CAMKK2: variants seen among roughly 807,000 people sequenced by gnomAD.
CAMKK2 encodes the protein calcium/calmodulin dependent protein kinase kinase 2, also known as calcium/calmodulin-dependent protein kinase kinase 2.
A neutral mutation model predicts 67.2 loss-of-function variants in CAMKK2; 30 were observed. The ratio of observed to expected loss-of-function variants is 0.45; its 90% CI spans 0.33 to 0.61. CAMKK2 has a LOEUF of 0.61. Ranked by LOEUF, CAMKK2 falls within the 20% of genes least tolerant of loss-of-function variation. CAMKK2 has a pLI of 0.02. For synonymous variants in CAMKK2, 322 were observed against 326.2 expected, an observed-to-expected ratio of 0.99 and a Z score of 0.14; for missense variants, 643 against 802.0, an observed-to-expected ratio of 0.80 and a Z score of 2.39.
At chr12:121,293,955 G>T (rs1440129847) in intron 1 of CAMKK2, among the ~76,000 whole-genome samples, 1 of 152,004 alleles carries the variant, frequency 6.6e-6, no homozygotes, top group Non-Finnish European at 1.5e-5. Flanking sequence ...TTTTTGAGAG[G>T]AAGTCTCCTT....
chr12:121,256,143 C>A (rs528159368), intron 7 of CAMKK2, among the ~76,000 whole-genome samples: 2 of 152,326 alleles, frequency 1.3e-5, no homozygotes, highest in South Asian at 4.1e-4. Flanking sequence ...CTCTGGGAGG[C>A]CGAGGTGGGC....
Position 121,245,098 on chromosome 12 carries a change from C to T in CAMKK2, c.1553+42G>A. 1 of 1,395,872 alleles carries T rather than the reference C, an allele frequency of 7.2e-7. No individual in the cohort carries two copies. The highest frequency in any genetic ancestry group is 1.0e-6 in the Non-Finnish European group (1 of 1,002,182). 86.5% of individuals were successfully genotyped at this position (1,395,872 alleles called of 1,614,324 possible). On this transcript the variant is annotated intron_variant, in intron 15 of 16. Coordinates refer to ENST00000404169, the MANE Select transcript of CAMKK2 (RefSeq NM_001270485.2). The surrounding 1 kb of genome is among the most constrained non-coding windows in gnomAD (Gnocchi z 5.8). ...GCAGGGCTGCCCCAAGCCTAGCCTCCAGCCACCACTCCCCCACCCAAGAAG... is the reference window on the plus strand; with the variant it reads ...GCAGGGCTGCCCCAAGCCTAGCCTCTAGCCACCACTCCCCCACCCAAGAAG...
At chr12:121,278,554 G>A (rs112059524) in intron 1 of CAMKK2, among the ~76,000 whole-genome samples, 4,018 of 152,226 alleles carry the variant, frequency 0.026, 68 homozygotes, top group Middle Eastern at 0.095. Context: ...TCACGGGGGC[G>A]GGTTCCCCCA....
rs980736736 is a variant in CAMKK2 at position 121,240,685 on chromosome 12, A to G, written c.*14T>C. 3 of 1,584,402 alleles carry G rather than the reference A, an allele frequency of 1.9e-6. No individual in the cohort carries two copies. Among genetic ancestry groups the G allele is most frequent in the Non-Finnish European group, 2.6e-6 (3 of 1,169,830 alleles). ...GCGACGCGGCGCGCATGCGAGGTCGAGCGATCCAGGCAGCTACTCGGGCTC... is the reference window on the plus strand; with the variant it reads ...GCGACGCGGCGCGCATGCGAGGTCGGGCGATCCAGGCAGCTACTCGGGCTC... On this transcript the variant is annotated 3_prime_UTR_variant, in exon 17 of 17. Coordinates refer to ENST00000404169, the MANE Select transcript of CAMKK2 (RefSeq NM_001270485.2). The surrounding 1 kb of genome is among the most constrained non-coding windows in gnomAD (Gnocchi z 4.4).
intron 1 of CAMKK2, among the ~76,000 whole-genome samples, chr12:121,294,468 A>G (rs766860103): frequency 5.3e-5 from 8 of 152,226 alleles, no homozygotes; most frequent in Non-Finnish European, 1.0e-4. Flanking sequence ...ATATCTAAGG[A>G]TGGGCAGTAC....
chr12:121,267,719 C>G (rs1894910583), intron 5 of CAMKK2, among the ~76,000 whole-genome samples: 2 of 151,836 alleles, frequency 1.3e-5, no homozygotes, highest in Admixed American at 1.3e-4. Context: ...GTCTTGAACT[C>G]CTGACCTCAA....
Position 121,274,805 on chromosome 12 carries a change from C to CTT in CAMKK2, c.-59-222_-59-221dup, listed in dbSNP as rs140150523. Among the ~76,000 whole-genome samples the CTT allele has an allele frequency of 8.9e-3, 1,176 of 132,868 alleles. 33 individuals are homozygous for CTT. Among genetic ancestry groups the CTT allele is most frequent in the African/African-American group, 0.027 (965 of 35,146 alleles). The allele number at this position is 132,868 out of a possible 152,430, so 87.2% of individuals were successfully genotyped here. On this transcript the variant is annotated intron_variant, in intron 1 of 16. Coordinates refer to ENST00000404169, the MANE Select transcript of CAMKK2 (RefSeq NM_001270485.2). ...CTTTTATTATTTTTTCTTTTTTTTT[C>CTT]TTTTTTTTTTTTTTGAGACAAGGTC...
chr12:121,260,378 G>A, intron 6 of CAMKK2, 23 bp from the exon 7 acceptor site: 2 of 1,609,194 alleles, frequency 1.2e-6, no homozygotes, highest in South Asian at 1.1e-5. Flanking sequence ...ACATGGAATA[G>A]GCAGGAGACG....
intron 13 of CAMKK2, among the ~76,000 whole-genome samples, chr12:121,249,508 A>G (rs1292195450): frequency 1.3e-5 from 2 of 152,034 alleles, no homozygotes; most frequent in Admixed American, 6.6e-5. Flanking sequence ...CGGAGGCCCC[A>G]TGCCGGTCTG....
chr12:121,286,616 T>A (rs1235956748), intron 1 of CAMKK2, among the ~76,000 whole-genome samples: 1 of 152,128 alleles, frequency 6.6e-6, no homozygotes, highest in Non-Finnish European at 1.5e-5. Flanking sequence ...CAATCTTGGC[T>A]CACTGCAGCC....
chr12:121,273,339 G>C (rs778402644), intron 2 of CAMKK2, among the ~76,000 whole-genome samples: 1 of 152,056 alleles, frequency 6.6e-6, no homozygotes, highest in Non-Finnish European at 1.5e-5. Context: ...CTTGGATTCC[G>C]AGGAATGTGA....
intron 7 of CAMKK2, 77 bp from the exon 8 acceptor site, chr12:121,255,881 C>T: frequency 2.2e-6 from 3 of 1,346,414 alleles, no homozygotes; most frequent in Middle Eastern, 1.8e-4. Flanking sequence ...CACCTCCCAA[C>T]CACCTCCAGA....
Position 121,253,416 on chromosome 12 carries a change from C to G in CAMKK2, c.964G>C (p.Glu322Gln), listed in dbSNP as rs1566053769. 1 of 1,614,110 alleles carries G rather than the reference C, an allele frequency of 6.2e-7. No homozygotes were observed. Among genetic ancestry groups the G allele is most frequent in the East Asian group, 2.2e-5 (1 of 44,880 alleles). ...TCAGCGATCTTGATGTGCCCATCTT[C>G]TCCGACCAGGAGGTTGGAAGGTTTG... ...DIKPSNLLVG[E>Q]DGHIKIADFG... The change falls in exon 10 of 17, where the codon GAA (glutamate) becomes CAA (glutamine). Residue 322 changes from glutamate (E) to glutamine (Q), a missense_variant. Glu to Gln is a conservative substitution (Grantham distance 29, BLOSUM62 2). This residue lies in a region of CAMKK2 where 483 missense variants were observed against 625.8 expected (regional missense o/e 0.77). Transcript: ENST00000404169. The surrounding 1 kb of genome is among the most constrained non-coding windows in gnomAD (Gnocchi z 5.0).
At chr12:121,271,373 C>T (rs1324524118) in intron 2 of CAMKK2, among the ~76,000 whole-genome samples, 1 of 151,954 alleles carries the variant, frequency 6.6e-6, no homozygotes, top group Non-Finnish European at 1.5e-5. Flanking sequence ...ATCCCCAGCT[C>T]CCAGAAGCCA....
At chr12:121,257,021 T>TAAAA (rs11377456) in intron 7 of CAMKK2, among the ~76,000 whole-genome samples, 2 of 148,216 alleles carry the variant, frequency 1.3e-5, no homozygotes. Context: ...TTTAGGAAGT[T>TAAAA]AAAAAAAAAA....
intron 1 of CAMKK2, among the ~76,000 whole-genome samples, chr12:121,280,730 C>T (rs1355492455): frequency 6.6e-6 from 1 of 152,094 alleles, no homozygotes; most frequent in Non-Finnish European, 1.5e-5. Context: ...TCCAGTCTCC[C>T]ATAGCGCTCC....
rs371769055 is a variant in CAMKK2 at position 121,273,977 on chromosome 12, A to G, written c.471+79T>C. On this transcript the variant is annotated intron_variant, in intron 2 of 16. Coordinates refer to ENST00000404169, the MANE Select transcript of CAMKK2 (RefSeq NM_001270485.2). ...ACTCAGATCCTTCTGGGGGAGCCCA[A>G]CCTTCCACAGAGGCCCTGCTGGGGG... is the stretch of plus-strand genomic sequence containing the variant. The G allele has an allele frequency of 4.6e-4, 520 of 1,135,530 alleles. 2 individuals are homozygous for G. In the East Asian group the frequency reaches 0.012, roughly 27 times the overall value. The allele number at this position is 1,135,530 out of a possible 1,614,324, so 70.3% of individuals were successfully genotyped here.
At chr12:121,255,834 C>T in intron 7 of CAMKK2, 30 bp from the exon 8 acceptor site, 2 of 1,611,516 alleles carry the variant, frequency 1.2e-6, no homozygotes, top group South Asian at 2.2e-5. Context: ...GAAACTGTTA[C>T]ATGGGAAACT....
intron 6 of CAMKK2, among the ~76,000 whole-genome samples, chr12:121,263,464 T>C (rs755193638): frequency 6.6e-6 from 1 of 152,162 alleles, no homozygotes; most frequent in South Asian, 2.1e-4. Context: ...GTTTACATCA[T>C]GTGTGTGGCT....
Sources: allele counts gnomAD v4.1 joint callset (sites outside exome capture counted in the v4.1 genomes callset), GRCh38; gene constraint gnomAD v4.1.1; regional missense constraint gnomAD v4.1.1; non-coding constraint Gnocchi (gnomAD v3.1); transcripts MANE v1.5; gene names NCBI Gene and HGNC (gene_info 2026-07-23, HGNC 2026-07-21).